GABRA2: variants seen among roughly 807,000 people sequenced by gnomAD.
The protein encoded by GABRA2 is gamma-aminobutyric acid receptor subunit alpha-2.
In GABRA2, 16 loss-of-function variants were observed where a neutral mutation model predicts 48.7. That is an observed-to-expected ratio of 0.33 (90% CI 0.22 to 0.50). The LOEUF is 0.50. GABRA2 is among the 20% of genes least tolerant of loss of function. The pLI is 0.98. For synonymous variants in GABRA2, 185 were observed against 184.5 expected (o/e 1.00, Z -0.02); for missense variants, 275 against 535.6 (o/e 0.51, Z 4.80).
Position 46,331,289 on chromosome 4 carries a change from C to G in GABRA2, c.255+1326G>C, listed in dbSNP as rs375888634. ...TTCCAAAGAGGTGGGGATCACCCAT[C>G]AACCACATGGGGCCTTACATTTTCA... On this transcript the variant is annotated intron_variant, in intron 4 of 9. Coordinates refer to ENST00000381620, the MANE Select transcript of GABRA2 (RefSeq NM_000807.4). Among the ~76,000 whole-genome samples, 6 of 152,148 alleles carry G rather than the reference C, an allele frequency of 3.9e-5. No individual in the cohort carries two copies. In the East Asian group the frequency reaches 1.2e-3, roughly 30 times the overall value.
intron 4 of GABRA2, among the ~76,000 whole-genome samples, chr4:46,320,398 A>G (rs928663964): frequency 6.6e-6 from 1 of 151,954 alleles, no homozygotes; most frequent in Non-Finnish European, 1.5e-5. Context: ...ACATCACTCC[A>G]AAAGCTCAGG....
At chr4:46,388,580 A>G in intron 2 of GABRA2, 56 bp downstream of exon 2, 1 of 1,598,100 alleles carries the variant, frequency 6.3e-7, no homozygotes, top group Non-Finnish European at 8.6e-7. Flanking sequence ...TTAATGGCCT[A>G]CAAGAAACAC....
At chr4:46,333,218 T>TA (rs948229228) in intron 3 of GABRA2, among the ~76,000 whole-genome samples, 3 of 151,984 alleles carry the variant, frequency 2.0e-5, no homozygotes, top group African/African-American at 4.8e-5. Flanking sequence ...GACATAAAAA[T>TA]AAAAAATAAC....
At chr4:46,364,836 A>G (rs747658148) in intron 3 of GABRA2, 4 of 152,210 alleles carry the variant, frequency 2.6e-5, no homozygotes, top group South Asian at 2.1e-4. Flanking sequence ...TATAACAAAA[A>G]CTAATCATCA....
At chr4:46,343,711 A>G (rs1171148960) in intron 3 of GABRA2, among the ~76,000 whole-genome samples, 4 of 152,046 alleles carry the variant, frequency 2.6e-5, no homozygotes, top group Non-Finnish European at 1.5e-5. Flanking sequence ...AACACAGATA[A>G]TAACTATACC....
chr4:46,296,113 C>CA (rs1426178156), intron 8 of GABRA2, among the ~76,000 whole-genome samples: 1 of 152,068 alleles, frequency 6.6e-6, no homozygotes, highest in Non-Finnish European at 1.5e-5. Flanking sequence ...AGGGCTGGGG[C>CA]AAAGTTCTCC....
At chr4:46,338,151 G>T (rs1242125824) in intron 3 of GABRA2, among the ~76,000 whole-genome samples, 1 of 151,848 alleles carries the variant, frequency 6.6e-6, no homozygotes, top group African/African-American at 2.4e-5. Flanking sequence ...TACATGTAGA[G>T]TTGAAAAGAG....
intron 3 of GABRA2, among the ~76,000 whole-genome samples, chr4:46,353,099 CAAG>C (rs1425598921): frequency 1.3e-5 from 2 of 152,132 alleles, no homozygotes; most frequent in African/African-American, 4.8e-5. Context: ...GTGTGGAAAA[CAAG>C]AAGCCACAAA....
intron 8 of GABRA2, among the ~76,000 whole-genome samples, chr4:46,264,956 G>T (rs1194596205): frequency 1.8e-5 from 2 of 108,582 alleles, no homozygotes; most frequent in Admixed American, 1.0e-4. Context: ...TAAATTTTTG[G>T]CATACAATTG....
chr4:46,346,115 A>G (rs765860416), intron 3 of GABRA2, among the ~76,000 whole-genome samples: 9 of 151,998 alleles, frequency 5.9e-5, no homozygotes, highest in African/African-American at 9.7e-5. Flanking sequence ...GATGATTCCC[A>G]TAACACCTAC....
At chr4:46,260,601 T>C (rs764592967) in intron 9 of GABRA2, among the ~76,000 whole-genome samples, 1 of 151,840 alleles carries the variant, frequency 6.6e-6, no homozygotes, top group Non-Finnish European at 1.5e-5. Flanking sequence ...ATATTTTATC[T>C]CCAAAAAATT....
At chr4:46,302,557 T>G (rs556897938) in intron 8 of GABRA2, 6 of 152,216 alleles carry the variant, frequency 3.9e-5, no homozygotes, top group African/African-American at 1.4e-4. Context: ...TGTTTCTAAC[T>G]TAAAGTTTTA....
chr4:46,246,613 C>A lies in GABRA2; in HGVS notation c.*3695G>T, dbSNP rs961447562. Among the ~76,000 whole-genome samples the A allele has an allele frequency of 3.3e-5, 5 of 151,192 alleles. No individual in the cohort carries two copies. The highest frequency in any genetic ancestry group is 1.2e-4 in the African/African-American group (5 of 41,348). ...GTCAGGTAGTAATCCCCTTAAAATT[C>A]TGAATGTTTTCATATGATAAAAAAT... On this transcript the variant is annotated 3_prime_UTR_variant, in exon 10 of 10. Transcript: ENST00000381620.
At chr4:46,305,732 T>A (rs201021931) in intron 6 of GABRA2, 21 bp from the exon 7 acceptor site, 1 of 1,573,246 alleles carries the variant, frequency 6.4e-7, no homozygotes. Flanking sequence ...TCAGAAAAAA[T>A]ATTTTAAGCA....
At chr4:46,332,483 C>A in intron 4 of GABRA2, 132 bp downstream of exon 4, 1 of 569,146 alleles carries the variant, frequency 1.8e-6, no homozygotes, top group Non-Finnish European at 3.2e-6. Flanking sequence ...TTTAACTATC[C>A]ATGTATTTGA....
intron 8 of GABRA2, among the ~76,000 whole-genome samples, chr4:46,265,593 T>A: frequency 6.6e-6 from 1 of 150,832 alleles, no homozygotes; most frequent in East Asian, 1.9e-4. Flanking sequence ...TCATTGTGGC[T>A]AAAAGTAAGT....
chr4:46,347,844 G>A (rs1734403955), intron 3 of GABRA2, among the ~76,000 whole-genome samples: 1 of 151,764 alleles, frequency 6.6e-6, no homozygotes, highest in African/African-American at 2.4e-5. Context: ...CAAATCATAA[G>A]TCAGGTAAGA....
At chr4:46,358,117 G>A (rs1736302075) in intron 3 of GABRA2, among the ~76,000 whole-genome samples, 1 of 152,130 alleles carries the variant, frequency 6.6e-6, no homozygotes, top group South Asian at 2.1e-4. Context: ...GAGGAATGAT[G>A]ATGATAATGA....
At chr4:46,357,024 T>G (rs1446793779) in intron 3 of GABRA2, among the ~76,000 whole-genome samples, 5 of 152,058 alleles carry the variant, frequency 3.3e-5, no homozygotes, top group Admixed American at 2.0e-4. Flanking sequence ...GTTGTTTGTT[T>G]GTTTTTTGCT....
Sources: allele counts gnomAD v4.1 joint callset (sites outside exome capture counted in the v4.1 genomes callset), GRCh38; gene constraint gnomAD v4.1.1; transcripts MANE v1.5; gene names NCBI Gene and HGNC (gene_info 2026-07-23, HGNC 2026-07-21).